Variants in PCDHGB4 observed in about 807,000 individuals in gnomAD.
PCDHGB4 encodes protocadherin gamma subfamily B, 4, also known as protocadherin gamma-B4.
In PCDHGB4, 38 loss-of-function variants were observed where a neutral mutation model predicts 60.5. The observed-to-expected ratio is 0.63, with a 90% confidence interval of 0.48 to 0.82. The LOEUF is 0.82. PCDHGB4 is among the 40% of genes least tolerant of loss of function. The pLI, the probability that PCDHGB4 is intolerant of heterozygous loss-of-function variation, is 0.00. For missense variants in PCDHGB4, 1,109 were observed against 1,209.6 expected, an observed-to-expected ratio of 0.92 and a Z score of 1.23; for synonymous variants, 456 against 509.7, an observed-to-expected ratio of 0.89 and a Z score of 1.42.
Position 141,485,256 on chromosome 5 carries a change from G to A in PCDHGB4, c.2398-9551G>A, listed in dbSNP as rs770176450. The A allele has an allele frequency of 6.2e-7, 1 of 1,614,186 alleles. No homozygotes were observed. Among genetic ancestry groups the A allele is most frequent in the Non-Finnish European group, 8.5e-7 (1 of 1,179,996 alleles). On this transcript the variant is annotated intron_variant, in intron 1 of 3. Transcript: ENST00000519479. The surrounding 1 kb of genome is among the most constrained non-coding windows in gnomAD (Gnocchi z 5.7). ...CTCTTTTACCACCTGGGTTACGTTTGTGGGCAGATCCGCTACCCGGTCCCA... is the reference window on the plus strand; with the variant it reads ...CTCTTTTACCACCTGGGTTACGTTTATGGGCAGATCCGCTACCCGGTCCCA...
Position 141,490,019 on chromosome 5 carries a change from T to C in PCDHGB4, c.2398-4788T>C. 2 of 1,614,272 alleles carry C rather than the reference T, an allele frequency of 1.2e-6. No homozygotes were observed. Among genetic ancestry groups the C allele is most frequent in the East Asian group, 2.2e-5 (1 of 44,886 alleles). ...CCAGAGAATGCACCCATTGGTACTCTGCTGCTCCGCCTCAATGCCACTGAT... is the reference window on the plus strand; with the variant it reads ...CCAGAGAATGCACCCATTGGTACTCCGCTGCTCCGCCTCAATGCCACTGAT... On this transcript the variant is annotated intron_variant, in intron 1 of 3. Coordinates refer to ENST00000519479, the MANE Select transcript of PCDHGB4 (RefSeq NM_003736.4). This position sits in a 1 kb window ranked among gnomAD's most constrained non-coding sequence, Gnocchi z 5.4.
At chr5:141,393,183 A>T in intron 1 of PCDHGB4, 1 of 1,613,370 alleles carries the variant, frequency 6.2e-7, no homozygotes, top group Non-Finnish European at 8.5e-7. Context: ...AATAGAAATA[A>T]TTGATATTAA....
intron 1 of PCDHGB4, chr5:141,423,114 A>G: frequency 1.9e-6 from 3 of 1,613,848 alleles, no homozygotes; most frequent in Non-Finnish European, 1.7e-6. Context: ...AGGTGCGTAC[A>G]GCGCGGGCAC....
chr5:141,485,858 C>A lies in PCDHGB4; in HGVS notation c.2398-8949C>A, dbSNP rs1431906047. 8.1e-6 allele frequency: 13 copies of A among 1,614,162 alleles called. No individual in the cohort carries two copies. The South Asian group carries it at 1.4e-4, about 18-fold the overall frequency. ...GCCGAGATCTGGCACCGCAGAGCTC[C>A]GGGTATCCGTGCTGGACGTAAACGA... On this transcript the variant is annotated intron_variant, in intron 1 of 3. Coordinates refer to ENST00000519479, the MANE Select transcript of PCDHGB4 (RefSeq NM_003736.4). This position sits in a 1 kb window ranked among gnomAD's most constrained non-coding sequence, Gnocchi z 5.7.
chr5:141,413,385 A>C, intron 1 of PCDHGB4: 1 of 1,613,990 alleles, frequency 6.2e-7, no homozygotes, highest in South Asian at 1.1e-5. Flanking sequence ...GAGTCCGCAT[A>C]GTCTCCAGAG....
chr5:141,414,106 CTAGA>C, intron 1 of PCDHGB4: 1 of 1,592,656 alleles, frequency 6.3e-7, no homozygotes, highest in Non-Finnish European at 8.6e-7. Flanking sequence ...ATCAGAAAAT[CTAGA>C]TTATGAAGAA....
Position 141,389,770 on chromosome 5 carries a change from C to T in PCDHGB4, c.1886C>T (p.Ala629Val). The T allele has an allele frequency of 4.3e-6, 7 of 1,613,166 alleles. No individual in the cohort carries two copies. The highest frequency in any genetic ancestry group is 1.7e-5 in the Admixed American group (1 of 59,998). Residue 629 changes from alanine (A) to valine (V), a missense_variant, in exon 1 of 4, where the codon GCC (alanine) becomes GTC (valine). Transcript: ENST00000519479. ...ACGGGCGAAGTGCGCACAGCGCGTGCCTTAGGCGACAGGGACGCCGTCCGC... is the reference window on the plus strand; with the variant it reads ...ACGGGCGAAGTGCGCACAGCGCGTGTCTTAGGCGACAGGGACGCCGTCCGC... ...LRTGEVRTARALGDRDAVRQR... is the reference protein window; with the variant it reads ...LRTGEVRTARVLGDRDAVRQR...
intron 1 of PCDHGB4, chr5:141,419,448 TC>T: frequency 6.2e-7 from 1 of 1,612,980 alleles, no homozygotes; most frequent in Non-Finnish European, 8.5e-7. Context: ...ACCTTCGAGC[TC>T]ACGCTGCAGG....
chr5:141,487,377 C>T lies in PCDHGB4; in HGVS notation c.2398-7430C>T, dbSNP rs758216933. Reference sequence around the variant, plus strand: ...CCTGCTGGCACCTGTGCCTGTCTCACCAGATCTCGAAGGAGGGAGGGGCTT... The same window carrying T: ...CCTGCTGGCACCTGTGCCTGTCTCATCAGATCTCGAAGGAGGGAGGGGCTT... On this transcript the variant is annotated intron_variant, in intron 1 of 3. Transcript: ENST00000519479. The surrounding 1 kb of genome is among the most constrained non-coding windows in gnomAD (Gnocchi z 5.0). 6.2e-7 allele frequency: 1 copy of T among 1,614,190 alleles called. No homozygotes were observed. Among genetic ancestry groups the T allele is most frequent in the Non-Finnish European group, 8.5e-7 (1 of 1,180,034 alleles).
At chr5:141,439,531 G>A (rs1474855779) in intron 1 of PCDHGB4, among the ~76,000 whole-genome samples, 5 of 152,126 alleles carry the variant, frequency 3.3e-5, no homozygotes, top group Admixed American at 3.3e-4. Flanking sequence ...TCTACAGAAC[G>A]CTGTCCTCTC....
intron 1 of PCDHGB4, chr5:141,409,184 T>G: frequency 6.2e-7 from 1 of 1,614,044 alleles, no homozygotes; most frequent in East Asian, 2.2e-5. Context: ...AGGTGGTCTC[T>G]CTACCCAGTG....
intron 3 of PCDHGB4, 137 bp from the exon 4 acceptor site, chr5:141,510,810 A>T: frequency 6.6e-7 from 1 of 1,519,768 alleles, no homozygotes; most frequent in African/African-American, 1.4e-5. Context: ...TACCTTGGTG[A>T]CCCCTATATT....
intron 2 of PCDHGB4, among the ~76,000 whole-genome samples, chr5:141,501,942 C>T (rs1012840550): frequency 2.6e-5 from 4 of 152,136 alleles, no homozygotes; most frequent in Non-Finnish European, 4.4e-5. Context: ...CACCACTGCT[C>T]CCTGTGACAG....
Position 141,432,647 on chromosome 5 carries a change from C to G in PCDHGB4, c.2397+42366C>G, listed in dbSNP as rs747789886. The G allele has an allele frequency of 1.7e-5, 28 of 1,613,678 alleles. No individual in the cohort carries two copies. In the Admixed American group the frequency reaches 4.5e-4, roughly 26 times the overall value. ...GCACACGGGCGAGGTGCGCACGGCG[C>G]GAGCCCTGCTGGACAGAGACGCGCT... On this transcript the variant is annotated intron_variant, in intron 1 of 3. Coordinates refer to ENST00000519479, the MANE Select transcript of PCDHGB4 (RefSeq NM_003736.4). This position sits in a 1 kb window ranked among gnomAD's most constrained non-coding sequence, Gnocchi z 6.0.
chr5:141,482,661 T>G (rs1215403061), intron 1 of PCDHGB4, among the ~76,000 whole-genome samples: 1 of 151,742 alleles, frequency 6.6e-6, no homozygotes, highest in Non-Finnish European at 1.5e-5. Flanking sequence ...TGAGCTATGA[T>G]CTAAAGGTTG....
In PCDHGB4 at chr5:141,432,613, G is replaced by A. The variant is rs1461837957; in HGVS notation, c.2397+42332G>A. 6.2e-7 allele frequency: 1 copy of A among 1,613,946 alleles called. No homozygotes were observed. The highest frequency in any genetic ancestry group is 1.3e-5 in the African/African-American group (1 of 75,056). On this transcript the variant is annotated intron_variant, in intron 1 of 3. Coordinates refer to ENST00000519479, the MANE Select transcript of PCDHGB4 (RefSeq NM_003736.4). The surrounding 1 kb of genome is among the most constrained non-coding windows in gnomAD (Gnocchi z 6.0). ...AGGCCAGCGAGCCGGGACTCTTCTC[G>A]GTGGGTCTGCACACGGGCGAGGTGC...
At chr5:141,405,047 G>A in intron 1 of PCDHGB4, 4 of 1,613,944 alleles carry the variant, frequency 2.5e-6, no homozygotes, top group Non-Finnish European at 2.5e-6. Context: ...GGCTGTGGCA[G>A]TCGTCTCCTG....
intron 2 of PCDHGB4, among the ~76,000 whole-genome samples, chr5:141,496,582 G>C (rs991035985): frequency 6.6e-6 from 1 of 152,100 alleles, no homozygotes; most frequent in Non-Finnish European, 1.5e-5. Flanking sequence ...TTTTAGGAAC[G>C]CAAAGCGCTT....
chr5:141,464,517 G>A lies in PCDHGB4; in HGVS notation c.2398-30290G>A, dbSNP rs1487703873. 2.0e-5 allele frequency among the ~76,000 whole-genome samples: 3 copies of A among 151,862 alleles called. No individual in the cohort carries two copies. In the South Asian group the frequency reaches 6.2e-4, roughly 32 times the overall value. On this transcript the variant is annotated intron_variant, in intron 1 of 3. Transcript: ENST00000519479. ...GTGATTGCTGCATCATAAGGTAAAG[G>A]CATATGTAGTTTTGTTAAATATAGC...
Sources: allele counts gnomAD v4.1 joint callset (sites outside exome capture counted in the v4.1 genomes callset), GRCh38; gene constraint gnomAD v4.1.1; non-coding constraint Gnocchi (gnomAD v3.1); transcripts MANE v1.5; gene names NCBI Gene and HGNC (gene_info 2026-07-23, HGNC 2026-07-21).